The following AKAP6 variants were observed in gnomAD, a reference collection of about 807,000 sequenced individuals.
AKAP6 encodes A-kinase anchor protein 6.
Under a neutral mutation model 188.5 loss-of-function variants are expected in AKAP6, and 58 were observed. The ratio of observed to expected loss-of-function variants is 0.31; its 90% CI spans 0.25 to 0.38. The LOEUF (loss-of-function observed/expected upper bound fraction) is 0.38, where lower values mean the gene tolerates loss of function less well. Among genes scored for constraint, AKAP6 ranks in the 10% least tolerant of loss-of-function variants. AKAP6 has a pLI of 1.00. For missense variants in AKAP6, 2,710 were observed against 2,740.0 expected (o/e 0.99, Z 0.24); for synonymous variants, 989 against 998.6 (o/e 0.99, Z 0.18).
chr14:32,807,915 G>C (rs2034130867), intron 12 of AKAP6, among the ~76,000 whole-genome samples: 1 of 152,148 alleles, frequency 6.6e-6, no homozygotes, highest in Admixed American at 6.5e-5. Flanking sequence ...TTTTACGCTT[G>C]AGAAAGAGTG....
At position 32,763,079 on chromosome 14, in the gene AKAP6, G is replaced by A. The variant is rs114119371; in HGVS notation, c.3373-10599G>A. Among the ~76,000 whole-genome samples, 812 of 152,036 alleles carry A rather than the reference G, an allele frequency of 5.3e-3. 13 individuals are homozygous for A. The highest frequency in any genetic ancestry group is 0.019 in the African/African-American group (787 of 41,512). On this transcript the variant is annotated intron_variant, in intron 11 of 13. Coordinates refer to ENST00000280979, the MANE Select transcript of AKAP6 (RefSeq NM_004274.5). ...CATGTACAATGTCGAAACTATTTTG[G>A]CACACTACCCAACTCCTCTTCAAGA... is the stretch of plus-strand genomic sequence containing the variant.
At chr14:32,721,545 C>T (rs1283964973) in intron 9 of AKAP6, among the ~76,000 whole-genome samples, 1 of 152,152 alleles carries the variant, frequency 6.6e-6, no homozygotes, top group African/African-American at 2.4e-5. Flanking sequence ...CAATGAAACG[C>T]CTCTCTAAAG....
intron 9 of AKAP6, among the ~76,000 whole-genome samples, chr14:32,709,024 G>A (rs547186019): frequency 6.6e-6 from 1 of 152,122 alleles, no homozygotes; most frequent in Admixed American, 6.6e-5. Context: ...TAAGCTAATT[G>A]AAATATTTTC....
intron 3 of AKAP6, among the ~76,000 whole-genome samples, chr14:32,540,166 C>CTT (rs1459842154): frequency 2.2e-4 from 19 of 87,390 alleles, no homozygotes; most frequent in Non-Finnish European, 3.3e-4. Flanking sequence ...CTCTCTCTCT[C>CTT]TCTATATATA....
intron 7 of AKAP6, among the ~76,000 whole-genome samples, chr14:32,618,034 T>A (rs1268581394): frequency 6.6e-6 from 1 of 152,208 alleles, no homozygotes; most frequent in African/African-American, 2.4e-5. Context: ...TAAATTTCAT[T>A]ATATGATAGA....
chr14:32,683,710 G>A lies in AKAP6; in HGVS notation c.2879+5251G>A, dbSNP rs181979280. 2.0e-5 allele frequency among the ~76,000 whole-genome samples: 3 copies of A among 152,306 alleles called. No individual in the cohort carries two copies. In the East Asian group the frequency reaches 5.8e-4, roughly 29 times the overall value. On this transcript the variant is annotated intron_variant, in intron 8 of 13. Coordinates refer to ENST00000280979, the MANE Select transcript of AKAP6 (RefSeq NM_004274.5). ...AAATGACAAGGGTGTTTCTCACAGA[G>A]GAGGCAGTGTGTGCAAACAGCCAGA...
intron 1 of AKAP6, among the ~76,000 whole-genome samples, chr14:32,348,500 T>A (rs149274174): frequency 0.012 from 1,762 of 149,812 alleles, 37 homozygotes; most frequent in African/African-American, 0.035. Flanking sequence ...CTGCAACCTC[T>A]GCCTCCTGAG....
At chr14:32,431,182 C>G (rs562429887) in intron 1 of AKAP6, among the ~76,000 whole-genome samples, 124 of 152,096 alleles carry the variant, frequency 8.2e-4, no homozygotes, top group Non-Finnish European at 1.5e-3. Flanking sequence ...TGGTAGCTCA[C>G]TCTTCCTGGA....
At position 32,822,068 on chromosome 14, in the gene AKAP6, A is replaced by G. The variant is rs1263773315; in HGVS notation, c.4255A>G (p.Ser1419Gly). Residue 1419 changes from serine to glycine, a missense_variant, in exon 13 of 14, where the codon AGC (serine) becomes GGC (glycine). Around this residue, in one of 2 missense-constraint regions of AKAP6, gnomAD observed 2,473 missense variants for 2,426.1 expected, o/e 1.02. Coordinates refer to ENST00000280979, the MANE Select transcript of AKAP6 (RefSeq NM_004274.5). ...GCAAAAATTTACAGATGAGGGGGAA[A>G]GCATTAAGCTTCCAAATAGCTCTCA... ...LKQKFTDEGESIKLPNSSQSS... is the reference protein window; with the variant it reads ...LKQKFTDEGEGIKLPNSSQSS... 3 of 1,613,974 alleles carry G rather than the reference A, an allele frequency of 1.9e-6. No homozygotes were observed. The highest frequency in any genetic ancestry group is 2.5e-6 in the Non-Finnish European group (3 of 1,179,950).
intron 11 of AKAP6, among the ~76,000 whole-genome samples, chr14:32,747,180 A>G (rs1427758318): frequency 6.6e-6 from 1 of 152,214 alleles, no homozygotes; most frequent in East Asian, 1.9e-4. Flanking sequence ...TGGTATCATA[A>G]GTAATCTCAC....
intron 1 of AKAP6, among the ~76,000 whole-genome samples, chr14:32,391,729 C>T (rs1242936979): frequency 6.6e-6 from 1 of 152,196 alleles, no homozygotes; most frequent in East Asian, 1.9e-4. Context: ...GATGTGACTG[C>T]TACCCCTTTG....
intron 1 of AKAP6, among the ~76,000 whole-genome samples, chr14:32,370,787 T>G (rs1887980589): frequency 6.6e-6 from 1 of 152,196 alleles, no homozygotes; most frequent in Non-Finnish European, 1.5e-5. Context: ...GGTTAGAATT[T>G]TTTAGTTTTG....
chr14:32,778,834 G>T (rs953925284), intron 12 of AKAP6, among the ~76,000 whole-genome samples: 1 of 150,354 alleles, frequency 6.7e-6, no homozygotes, highest in Non-Finnish European at 1.5e-5. Flanking sequence ...GGCATGAGTC[G>T]CCATGCCTAG....
At position 32,491,353 on chromosome 14, in the gene AKAP6, G is replaced by A. The variant is rs139297097; in HGVS notation, c.325-44201G>A. Among the ~76,000 whole-genome samples the A allele has an allele frequency of 2.1e-4, 32 of 152,184 alleles. No individual in the cohort carries two copies. The East Asian group carries it at 3.1e-3, about 15-fold the overall frequency. On this transcript the variant is annotated intron_variant, in intron 2 of 13. Transcript: ENST00000280979. ...TGCTTAGGTCTAACTGTTATAATTTGTCTGAGTTATTGAAAAGACCTCTAC... is the reference window on the plus strand; with the variant it reads ...TGCTTAGGTCTAACTGTTATAATTTATCTGAGTTATTGAAAAGACCTCTAC...
chr14:32,736,214 T>C (rs2031415136), intron 11 of AKAP6, among the ~76,000 whole-genome samples: 1 of 152,210 alleles, frequency 6.6e-6, no homozygotes, highest in African/African-American at 2.4e-5. Flanking sequence ...CTAAATGTTC[T>C]GTAAATAACT....
intron 5 of AKAP6, among the ~76,000 whole-genome samples, chr14:32,579,814 A>G (rs1293728120): frequency 6.6e-6 from 1 of 152,152 alleles, no homozygotes. Flanking sequence ...GAATAAGCCT[A>G]GAGATTTGTA....
At chr14:32,383,620 G>C (rs1400592679) in intron 1 of AKAP6, among the ~76,000 whole-genome samples, 1 of 152,118 alleles carries the variant, frequency 6.6e-6, no homozygotes, top group Non-Finnish European at 1.5e-5. Flanking sequence ...GAGTAATTCT[G>C]CATATCAATT....
At chr14:32,668,249 T>C (rs1323888218) in intron 7 of AKAP6, among the ~76,000 whole-genome samples, 1 of 152,134 alleles carries the variant, frequency 6.6e-6, no homozygotes, top group Non-Finnish European at 1.5e-5. Context: ...TAATGATTTT[T>C]AACTACAGGC....
At chr14:32,633,592 A>G (rs1887366234) in intron 7 of AKAP6, among the ~76,000 whole-genome samples, 1 of 152,090 alleles carries the variant, frequency 6.6e-6, no homozygotes, top group Non-Finnish European at 1.5e-5. Flanking sequence ...TGTCTCCGCT[A>G]GCTCTCTGGC....
Sources: allele counts gnomAD v4.1 joint callset (sites outside exome capture counted in the v4.1 genomes callset), GRCh38; gene constraint gnomAD v4.1.1; regional missense constraint gnomAD v4.1.1; transcripts MANE v1.5; gene names NCBI Gene and HGNC (gene_info 2026-07-23, HGNC 2026-07-21).